Variants in SUGCT observed in about 807,000 individuals in gnomAD.
SUGCT encodes the protein succinyl-CoA:glutarate-CoA transferase, also known as succinyl-CoA:glutarate CoA-transferase.
SUGCT carries 41 observed loss-of-function variants against 55.0 expected under a neutral mutation model. The ratio of observed to expected loss-of-function variants is 0.74; its 90% CI spans 0.58 to 0.97. SUGCT has a LOEUF of 0.97. Ranked by LOEUF, SUGCT falls within the 50% of genes least tolerant of loss-of-function variation. SUGCT has a pLI of 0.00. For synonymous variants in SUGCT, 187 were observed against 200.4 expected (o/e 0.93, Z 0.56); for missense variants, 568 against 547.8 (o/e 1.04, Z -0.37).
At chr7:40,480,775 G>A (rs1790989594) in intron 11 of SUGCT, among the ~76,000 whole-genome samples, 1 of 151,178 alleles carries the variant, frequency 6.6e-6, no homozygotes, top group Admixed American at 6.6e-5. Context: ...TGTTACTACT[G>A]TTCATATAAC....
intron 7 of SUGCT, among the ~76,000 whole-genome samples, chr7:40,248,014 T>TTTTTG (rs1790028632): frequency 9.2e-4 from 1 of 1,090 alleles, no homozygotes; most frequent in Non-Finnish European, 2.8e-3. Flanking sequence ...TGTTTTTTTG[T>TTTTTG]TTTTTTTTTT....
intron 12 of SUGCT, among the ~76,000 whole-genome samples, chr7:40,525,969 T>C (rs1793772767): frequency 6.6e-6 from 1 of 152,178 alleles, no homozygotes; most frequent in Non-Finnish European, 1.5e-5. Context: ...ATTAAGTGCA[T>C]CTGCCTCGCT....
At chr7:40,729,714 A>G in intron 12 of SUGCT, among the ~76,000 whole-genome samples, 1 of 152,180 alleles carries the variant, frequency 6.6e-6, no homozygotes, top group African/African-American at 2.4e-5. Flanking sequence ...AGATACCATC[A>G]GATGCTAGGC....
At chr7:40,995,881 A>C in the SUGCT span, among the ~76,000 whole-genome samples, 1 of 152,132 alleles carries the variant, frequency 6.6e-6, no homozygotes, top group Non-Finnish European at 1.5e-5. Flanking sequence ...ATTTCTCTCC[A>C]GGTCATTTAT....
chr7:40,346,352 G>A (rs1797305657), intron 9 of SUGCT, among the ~76,000 whole-genome samples: 1 of 151,538 alleles, frequency 6.6e-6, no homozygotes, highest in Admixed American at 6.6e-5. Flanking sequence ...TTTTCATAAA[G>A]TTTTCTTCCA....
chr7:40,595,176 A>G (rs986327165), intron 12 of SUGCT, among the ~76,000 whole-genome samples: 1 of 152,164 alleles, frequency 6.6e-6, no homozygotes, highest in Non-Finnish European at 1.5e-5. Flanking sequence ...GTGAAAAACT[A>G]TTGTCCTCCA....
the SUGCT span, among the ~76,000 whole-genome samples, chr7:40,878,829 C>A: frequency 1.6e-4 from 24 of 146,214 alleles, no homozygotes; most frequent in Admixed American, 1.0e-3. Flanking sequence ...CAGCCTTGTT[C>A]TATAGCCAGG....
chr7:40,344,030 A>G (rs1797188904), intron 9 of SUGCT, among the ~76,000 whole-genome samples: 1 of 152,174 alleles, frequency 6.6e-6, no homozygotes, highest in African/African-American at 2.4e-5. Flanking sequence ...CGTATTGGAT[A>G]TTCAACATAC....
intron 12 of SUGCT, among the ~76,000 whole-genome samples, chr7:40,708,053 A>G (rs1039316031): frequency 6.6e-6 from 1 of 152,198 alleles, no homozygotes; most frequent in African/African-American, 2.4e-5. Flanking sequence ...TGAAATAGAG[A>G]TAAGTCATTC....
chr7:40,559,997 G>A (rs776349907), intron 12 of SUGCT, among the ~76,000 whole-genome samples: 22 of 152,144 alleles, frequency 1.4e-4, no homozygotes, highest in Non-Finnish European at 2.8e-4. Flanking sequence ...TTTTGGATTC[G>A]GATCAGGTCT....
Position 40,135,115 on chromosome 7 carries a change from A to G in SUGCT, c.95A>G (p.Gln32Arg). 2 of 1,553,002 alleles carry G rather than the reference A, an allele frequency of 1.3e-6. No homozygotes were observed. The highest frequency in any genetic ancestry group is 2.4e-5 in the East Asian group (1 of 41,070). The change falls in exon 1 of 14, where the codon CAG becomes CGG. Residue 32 changes from glutamine (Q) to arginine (R), a missense_variant. By Grantham distance (43) the Gln-to-Arg change is conservative. Coordinates refer to ENST00000335693, the MANE Select transcript of SUGCT (RefSeq NM_001193313.2). ...GGRGLWTGRP[Q>R]SDMNNIKPLE... ...AGGGGGCTGTGGACTGGCCGCCCGC[A>G]GTCAGGTACCCTCCGAGATTCGGTC...
intron 12 of SUGCT, among the ~76,000 whole-genome samples, chr7:40,602,291 G>T (rs944290573): frequency 2.6e-5 from 4 of 152,184 alleles, no homozygotes; most frequent in Non-Finnish European, 5.9e-5. Flanking sequence ...GAAGGGGGAT[G>T]AACCCAGAAA....
chr7:40,374,440 C>A (rs1442401487), intron 9 of SUGCT, among the ~76,000 whole-genome samples: 1 of 152,092 alleles, frequency 6.6e-6, no homozygotes, highest in Non-Finnish European at 1.5e-5. Flanking sequence ...TCCATGTTTT[C>A]CCTTTCCATC....
chr7:40,924,287 T>A, the SUGCT span, among the ~76,000 whole-genome samples: 1 of 151,898 alleles, frequency 6.6e-6, no homozygotes, highest in African/African-American at 2.4e-5. Context: ...TGTGTGTGTG[T>A]GTGTGTGTAG....
At chr7:40,278,080 G>T (rs1792659946) in intron 8 of SUGCT, among the ~76,000 whole-genome samples, 1 of 152,032 alleles carries the variant, frequency 6.6e-6, no homozygotes, top group Non-Finnish European at 1.5e-5. Context: ...TCTTAATCCA[G>T]TCTATCATTG....
intron 12 of SUGCT, among the ~76,000 whole-genome samples, chr7:40,549,516 G>T (rs1409519126): frequency 6.6e-6 from 1 of 152,108 alleles, no homozygotes; most frequent in Non-Finnish European, 1.5e-5. Context: ...TATCTAGTGT[G>T]AACATTGGAC....
chr7:40,282,791 A>G (rs1793059221), intron 8 of SUGCT, among the ~76,000 whole-genome samples: 1 of 151,944 alleles, frequency 6.6e-6, no homozygotes, highest in African/African-American at 2.4e-5. Flanking sequence ...GCTTGAGCCC[A>G]GAAATTAGAG....
At chr7:40,694,004 T>C (rs566006350) in intron 12 of SUGCT, among the ~76,000 whole-genome samples, 1 of 152,356 alleles carries the variant, frequency 6.6e-6, no homozygotes, top group East Asian at 1.9e-4. Context: ...CAGGATCCAT[T>C]GCACAGCCAA....
the SUGCT span, among the ~76,000 whole-genome samples, chr7:40,953,437 C>T: frequency 1.3e-5 from 2 of 152,126 alleles, 1 homozygote; most frequent in Admixed American, 1.3e-4. Context: ...TGTCTGAAGC[C>T]TTCTTCTTTC....
Sources: gnomAD v4.1 joint callset for allele counts (sites outside exome capture counted in the v4.1 genomes callset) on GRCh38, gnomAD v4.1.1 for gene constraint, MANE v1.5 for transcripts, NCBI Gene and HGNC (gene_info 2026-07-23, HGNC 2026-07-21) for gene names.